KALRN: variants seen among roughly 807,000 people sequenced by gnomAD.
The protein encoded by KALRN is kalirin.
Under a neutral mutation model 353.7 loss-of-function variants are expected in KALRN, and 70 were observed. That is an observed-to-expected ratio of 0.20 (90% CI 0.16 to 0.24). The LOEUF (loss-of-function observed/expected upper bound fraction) is 0.24, where lower values mean the gene tolerates loss of function less well. Ranked by LOEUF, KALRN falls within the 10% of genes least tolerant of loss-of-function variation. The pLI is 1.00. For synonymous variants in KALRN, 1,391 were observed against 1,434.8 expected (o/e 0.97, Z 0.69); for missense variants, 2,791 against 3,756.7 (o/e 0.74, Z 6.72).
chr3:124,472,882 T>C (rs2061078475), intron 25 of KALRN, among the ~76,000 whole-genome samples: 1 of 152,196 alleles, frequency 6.6e-6, no homozygotes, highest in Non-Finnish European at 1.5e-5. Context: ...ATAATTACTC[T>C]TTGATTCAGG....
At chr3:124,604,067 GA>G (rs773233099) in intron 34 of KALRN, among the ~76,000 whole-genome samples, 47 of 151,988 alleles carry the variant, frequency 3.1e-4, no homozygotes, top group Non-Finnish European at 5.6e-4. Context: ...CAGTTGGGGT[GA>G]AACATGGGTG....
chr3:124,653,698 C>T (rs1341345076), intron 38 of KALRN, among the ~76,000 whole-genome samples: 6 of 152,198 alleles, frequency 3.9e-5, no homozygotes, highest in African/African-American at 1.4e-4. Flanking sequence ...ACCAGCCATT[C>T]CCTATCCCTG....
At chr3:124,598,790 C>T (rs2076515562) in intron 34 of KALRN, among the ~76,000 whole-genome samples, 1 of 152,204 alleles carries the variant, frequency 6.6e-6, no homozygotes, top group Non-Finnish European at 1.5e-5. Context: ...CATCCTCCTA[C>T]CTAAGCCTCA....
chr3:124,391,709 T>C (rs2089416375), intron 11 of KALRN, among the ~76,000 whole-genome samples: 1 of 152,236 alleles, frequency 6.6e-6, no homozygotes, highest in Non-Finnish European at 1.5e-5. Context: ...TACCTTATGG[T>C]GCTAAATCTC....
In KALRN at chr3:124,298,903, T is replaced by C. The variant is rs766540759; in HGVS notation, c.1082T>C (p.Met361Thr). The change falls in exon 6 of 60, where the codon ATG becomes ACG. Residue 361 changes from methionine (M) to threonine (T), a missense_variant. Physicochemically the swap from Met to Thr is moderately conservative, Grantham distance 81. Around this residue, in one of 11 missense-constraint regions of KALRN, gnomAD observed 366 missense variants for 489.2 expected, o/e 0.75. Coordinates refer to ENST00000682506, the MANE Select transcript of KALRN (RefSeq NM_001388419.1). ...DLQTQHNHFA[M>T]NSMNAYVNIN... ...CAGACGCAGCACAATCACTTTGCCATGAACTCCATGGTGAGCTGAGGGGCT... is the reference window on the plus strand; with the variant it reads ...CAGACGCAGCACAATCACTTTGCCACGAACTCCATGGTGAGCTGAGGGGCT... The C allele has an allele frequency of 6.2e-7, 1 of 1,614,148 alleles. No individual in the cohort carries two copies. The highest frequency in any genetic ancestry group is 1.1e-5 in the South Asian group (1 of 91,078).
At chr3:124,239,849 T>C (rs1248113458) in intron 3 of KALRN, among the ~76,000 whole-genome samples, 2 of 152,052 alleles carry the variant, frequency 1.3e-5, no homozygotes, top group East Asian at 2.0e-4. Flanking sequence ...GTGTTGTTGA[T>C]ACCTTACTCT....
rs201272171 is a variant in KALRN, at chr3:124,434,550, G to C, written c.3048+25G>C. On this transcript the variant is annotated intron_variant, in intron 17 of 59. Transcript: ENST00000682506. Reference sequence around the variant, plus strand: ...GGTGAGGGAAAAGACTGTGGGGCTTGTGGGGCTGAGATTGCCAGGGGGCCA... The same window carrying C: ...GGTGAGGGAAAAGACTGTGGGGCTTCTGGGGCTGAGATTGCCAGGGGGCCA... 947 of 1,609,476 alleles carry C rather than the reference G, an allele frequency of 5.9e-4. 8 individuals are homozygous for C. The highest frequency in any genetic ancestry group is 5.4e-3 in the Middle Eastern group (32 of 5,970).
intron 3 of KALRN, among the ~76,000 whole-genome samples, chr3:124,239,503 G>T (rs952823997): frequency 6.6e-6 from 1 of 152,204 alleles, no homozygotes; most frequent in African/African-American, 2.4e-5. Context: ...GCCAAGGAAT[G>T]TGGTTATCAT....
intron 34 of KALRN, among the ~76,000 whole-genome samples, chr3:124,590,946 C>T (rs1012008058): frequency 1.2e-4 from 19 of 152,202 alleles, no homozygotes; most frequent in Admixed American, 5.2e-4. Flanking sequence ...CTTTCCTCAA[C>T]TCTTTTTCAT....
intron 15 of KALRN, among the ~76,000 whole-genome samples, chr3:124,425,745 C>T (rs186285702): frequency 1.5e-3 from 232 of 152,234 alleles, no homozygotes; most frequent in Admixed American, 2.4e-3. Flanking sequence ...ATTCTCTTTT[C>T]CTTCGCCGAT....
At chr3:124,391,307 C>T (rs1024793759) in intron 11 of KALRN, among the ~76,000 whole-genome samples, 1 of 151,960 alleles carries the variant, frequency 6.6e-6, no homozygotes. Flanking sequence ...TAATGTTAAA[C>T]CTTAGATAAG....
chr3:124,407,545 C>T (rs1560834664), intron 13 of KALRN: 1 of 152,102 alleles, frequency 6.6e-6, no homozygotes, highest in Non-Finnish European at 1.5e-5. Context: ...AGTCTCAATA[C>T]CAAATTGCAG....
intron 33 of KALRN, among the ~76,000 whole-genome samples, chr3:124,532,661 G>A (rs1326198236): frequency 6.6e-6 from 1 of 151,992 alleles, no homozygotes; most frequent in Non-Finnish European, 1.5e-5. Flanking sequence ...CAAAAAATTA[G>A]CTAGGCAGGG....
intron 29 of KALRN, among the ~76,000 whole-genome samples, chr3:124,490,123 G>A (rs2062987152): frequency 6.6e-6 from 1 of 152,164 alleles, no homozygotes; most frequent in Non-Finnish European, 1.5e-5. Context: ...CCTGGGCATG[G>A]TGGCATGTAC....
intron 1 of KALRN, among the ~76,000 whole-genome samples, chr3:124,150,136 A>T (rs1371704020): frequency 6.6e-6 from 1 of 152,210 alleles, no homozygotes; most frequent in Non-Finnish European, 1.5e-5. Context: ...TCTTCATTAG[A>T]GGGTGTTAGC....
chr3:124,404,118 C>T (rs894676340), intron 13 of KALRN, among the ~76,000 whole-genome samples: 3 of 135,206 alleles, frequency 2.2e-5, no homozygotes, highest in African/African-American at 8.8e-5. Flanking sequence ...CCAAAATCTC[C>T]ACCTTTTACA....
intron 1 of KALRN, chr3:124,082,468 G>A: frequency 2.8e-6 from 1 of 356,668 alleles, no homozygotes; most frequent in Non-Finnish European, 5.6e-6. Flanking sequence ...TGGTGGTGGT[G>A]CCAGTTCTGC....
At chr3:124,374,159 G>A (rs1212842168) in intron 10 of KALRN, among the ~76,000 whole-genome samples, 1 of 152,318 alleles carries the variant, frequency 6.6e-6, no homozygotes, top group Non-Finnish European at 1.5e-5. Flanking sequence ...ACCATATAAA[G>A]ACACAGTGAG....
chr3:124,656,206 A>T (rs542091653), intron 39 of KALRN, among the ~76,000 whole-genome samples: 1 of 152,198 alleles, frequency 6.6e-6, no homozygotes, highest in Non-Finnish European at 1.5e-5. Context: ...GTAGGGATTC[A>T]CTTAAGAGGG....
Sources: gnomAD v4.1 joint callset for allele counts (sites outside exome capture counted in the v4.1 genomes callset) on GRCh38, gnomAD v4.1.1 for gene constraint, gnomAD v4.1.1 regional missense constraint, MANE v1.5 for transcripts, NCBI Gene and HGNC (gene_info 2026-07-23, HGNC 2026-07-21) for gene names.